The following CYFIP1 variants were observed in gnomAD, a reference collection of about 807,000 sequenced individuals.
CYFIP1 encodes the protein cytoplasmic FMR1-interacting protein 1.
In CYFIP1, 58 loss-of-function variants were observed where a neutral mutation model predicts 163.5. That is an observed-to-expected ratio of 0.35 (90% CI 0.29 to 0.44). The LOEUF is 0.44. CYFIP1 is among the 20% of genes least tolerant of loss of function. CYFIP1 has a pLI of 1.00. For synonymous variants in CYFIP1, 663 were observed against 660.7 expected, an observed-to-expected ratio of 1.00 and a Z score of -0.05; for missense variants, 1,338 against 1,653.8, an observed-to-expected ratio of 0.81 and a Z score of 3.31.
chr15:22,933,891 T>G lies in CYFIP1; in HGVS notation c.903A>C (p.Gln301His). The change falls in exon 10 of 31, where the codon CAA becomes CAC. Residue 301 changes from glutamine to histidine, a missense_variant and splice_region_variant. Transcript: ENST00000617928. ...NLSKIDKYFK[Q>H]LQVVPLFGDM... ...CCCCAAATAGCGGAACCACCTGGAG[T>G]TGCTGTATTCAAAGAACAAAAAAAT... The G allele has an allele frequency of 6.2e-7, 1 of 1,608,726 alleles. No individual in the cohort carries two copies. Among genetic ancestry groups the G allele is most frequent in the South Asian group, 1.1e-5 (1 of 90,424 alleles).
At chr15:22,872,716 A>G in intron 30 of CYFIP1, 109 bp downstream of exon 30, 1 of 1,114,128 alleles carries the variant, frequency 9.0e-7, no homozygotes, top group Non-Finnish European at 1.3e-6. Context: ...TGTTGGTGGC[A>G]CCTTACGTAC....
Position 22,875,284 on chromosome 15 carries a change from AAG to A in CYFIP1, c.3043-15_3043-14del, listed in dbSNP as rs762234267. 2.5e-6 allele frequency: 4 copies of A among 1,613,180 alleles called. No individual in the cohort carries two copies. Among genetic ancestry groups the A allele is most frequent in the Non-Finnish European group, 3.4e-6 (4 of 1,179,094 alleles). On this transcript the variant is annotated splice_polypyrimidine_tract_variant and intron_variant, in intron 26 of 30. Coordinates refer to ENST00000617928, the MANE Select transcript of CYFIP1 (RefSeq NM_014608.6). Reference sequence around the variant, plus strand: ...CTTCTTCTAAAGACTAGAGCAGAGAAAGAGAGGGTCAAGCTAGGAAGGGTATC... The same window carrying A: ...CTTCTTCTAAAGACTAGAGCAGAGAAAGAGGGTCAAGCTAGGAAGGGTATC...
rs559566177 is a variant in CYFIP1, at chr15:22,943,226, G to A, written c.516C>T (p.Asp172=). Residue 172 remains aspartate, a synonymous_variant, in exon 6 of 31, where the codon GAC becomes GAT. Transcript: ENST00000617928. Reference sequence around the variant, plus strand: ...CACTGCACTTCATGTTCTTCAGCTCGTCCAGCACAGCGAACATGTTGATGA... The same window carrying A: ...CACTGCACTTCATGTTCTTCAGCTCATCCAGCACAGCGAACATGTTGATGA... The part of the protein sequence containing the change: ...GKFINMFAVL[D]ELKNMKCSVK... The A allele has an allele frequency of 2.9e-5, 47 of 1,614,218 alleles. No homozygotes were observed. Among genetic ancestry groups the A allele is most frequent in the East Asian group, 2.0e-4 (9 of 44,886 alleles).
At position 22,953,484 on chromosome 15, in the gene CYFIP1, G is replaced by A. The variant is rs138435076; in HGVS notation, c.-6-6193C>T. Among the ~76,000 whole-genome samples, 862 of 152,144 alleles carry A rather than the reference G, an allele frequency of 5.7e-3. 8 individuals are homozygous for A. Among genetic ancestry groups the A allele is most frequent in the African/African-American group, 0.02 (828 of 41,480 alleles). ...CCTTTTGTCCTCCCATGAATGCCAC[G>A]TCCCACAGGGATTTTCCCCCAGCAC... On this transcript the variant is annotated intron_variant, in intron 1 of 30. Transcript: ENST00000617928.
At position 22,869,914 on chromosome 15, in the gene CYFIP1, A is replaced by C. The variant is rs113950685; in HGVS notation, c.*114T>G. On this transcript the variant is annotated 3_prime_UTR_variant, in exon 31 of 31. Transcript: ENST00000617928. ...ATAAAATTAAGTTTTTAGATCGAAAAGCACCCCCTTTAACAGGTACAGAGA... is the reference window on the plus strand; with the variant it reads ...ATAAAATTAAGTTTTTAGATCGAAACGCACCCCCTTTAACAGGTACAGAGA... 4 of 938,416 alleles carry C rather than the reference A, an allele frequency of 4.3e-6. No homozygotes were observed. Among genetic ancestry groups the C allele is most frequent in the Non-Finnish European group, 5.7e-6 (4 of 702,062 alleles). The allele number at this position is 938,416 out of a possible 1,614,324, so 58.1% of individuals were successfully genotyped here.
intron 23 of CYFIP1, among the ~76,000 whole-genome samples, chr15:22,890,053 A>G (rs915152000): frequency 6.6e-6 from 1 of 151,996 alleles, no homozygotes; most frequent in African/African-American, 2.4e-5. Context: ...TGTAATTCCA[A>G]CACTTCGGGA....
chr15:22,968,538 T>C (rs930511342), intron 1 of CYFIP1, among the ~76,000 whole-genome samples: 10 of 152,172 alleles, frequency 6.6e-5, no homozygotes, highest in Non-Finnish European at 1.2e-4. Context: ...ATCCTTAAAA[T>C]AAATCTCTCT....
chr15:22,943,235 A>G lies in CYFIP1; in HGVS notation c.507T>C (p.Ala169=). The G allele has an allele frequency of 6.2e-7, 1 of 1,614,230 alleles. No homozygotes were observed. Among genetic ancestry groups the G allele is most frequent in the Non-Finnish European group, 8.5e-7 (1 of 1,180,028 alleles). Residue 169 remains alanine (A), a synonymous_variant, in exon 6 of 31, where the codon GCT becomes GCC. Coordinates refer to ENST00000617928, the MANE Select transcript of CYFIP1 (RefSeq NM_014608.6). ...TCATGTTCTTCAGCTCGTCCAGCAC[A>G]GCGAACATGTTGATGAATTTGCCCA... ...ITLGKFINMF[A]VLDELKNMKC... is the part of the protein sequence containing the mutation.
chr15:22,949,056 G>C (rs1029582591), intron 1 of CYFIP1, among the ~76,000 whole-genome samples: 2 of 152,198 alleles, frequency 1.3e-5, no homozygotes. Context: ...TTTGTCTACA[G>C]ATTCAAGAAG....
chr15:22,884,653 T>G (rs2059879451), intron 23 of CYFIP1, among the ~76,000 whole-genome samples: 1 of 152,082 alleles, frequency 6.6e-6, no homozygotes, highest in Non-Finnish European at 1.5e-5. Context: ...AGGGTGGCCC[T>G]CTTTTTACAG....
At chr15:22,946,774 C>A (rs1017326857) in intron 3 of CYFIP1, 2 of 674,318 alleles carry the variant, frequency 3.0e-6, no homozygotes, top group South Asian at 1.5e-5. Flanking sequence ...ACCCTTGAAA[C>A]GCTGACAAAG....
intron 23 of CYFIP1, among the ~76,000 whole-genome samples, chr15:22,886,335 A>T (rs552505228): frequency 1.3e-5 from 2 of 152,340 alleles, no homozygotes; most frequent in African/African-American, 4.8e-5. Context: ...ACACGGGTGC[A>T]GATAGCAGGA....
At chr15:22,881,257 T>C (rs2059752665) in intron 25 of CYFIP1, among the ~76,000 whole-genome samples, 1 of 152,216 alleles carries the variant, frequency 6.6e-6, no homozygotes, top group African/African-American at 2.4e-5. Context: ...TGTTCAACTG[T>C]CCAGCTTTCA....
intron 1 of CYFIP1, among the ~76,000 whole-genome samples, chr15:22,976,479 T>A (rs955227566): frequency 6.6e-6 from 1 of 152,190 alleles, no homozygotes; most frequent in South Asian, 2.1e-4. Context: ...TAATTGTACA[T>A]TGCTAGTACA....
At chr15:22,951,296 T>C in intron 1 of CYFIP1, 1 of 1,123,632 alleles carries the variant, frequency 8.9e-7, no homozygotes, top group South Asian at 1.7e-5. Context: ...GAAATCTACA[T>C]GTAGCAGAAA....
chr15:22,960,534 C>T (rs543389608), intron 1 of CYFIP1, among the ~76,000 whole-genome samples: 2 of 152,352 alleles, frequency 1.3e-5, no homozygotes, highest in African/African-American at 4.8e-5. Flanking sequence ...TCCGGGTCTT[C>T]ACGAAAACTG....
chr15:22,938,110 G>C (rs570692530), intron 8 of CYFIP1, among the ~76,000 whole-genome samples: 1 of 152,306 alleles, frequency 6.6e-6, no homozygotes, highest in Non-Finnish European at 1.5e-5. Context: ...AGGCCACCCT[G>C]CAGAGGTGGA....
chr15:22,884,790 A>G (rs972173610), intron 23 of CYFIP1, among the ~76,000 whole-genome samples: 3 of 152,180 alleles, frequency 2.0e-5, no homozygotes, highest in African/African-American at 7.2e-5. Context: ...CTGCATGGAC[A>G]TTCAGGCATT....
intron 27 of CYFIP1, 51 bp downstream of exon 27, chr15:22,875,148 C>T (rs1197958665): frequency 1.9e-6 from 3 of 1,547,700 alleles, no homozygotes; most frequent in Non-Finnish European, 2.7e-6. Flanking sequence ...CAGTGGGCAC[C>T]ACCCCCACAG....
Sources: allele counts gnomAD v4.1 joint callset (sites outside exome capture counted in the v4.1 genomes callset), GRCh38; gene constraint gnomAD v4.1.1; transcripts MANE v1.5; gene names NCBI Gene and HGNC (gene_info 2026-07-23, HGNC 2026-07-21).